Variants in TADA2B observed in about 807,000 individuals in gnomAD.
TADA2B encodes the protein transcriptional adaptor 2B, also known as transcriptional adapter 2-beta.
A neutral mutation model predicts 34.5 loss-of-function variants in TADA2B; 13 were observed. The ratio of observed to expected loss-of-function variants is 0.38; its 90% CI spans 0.25 to 0.60. The LOEUF (loss-of-function observed/expected upper bound fraction) is 0.60, where lower values mean the gene tolerates loss of function less well. Among genes scored for constraint, TADA2B ranks in the 20% least tolerant of loss-of-function variants. The pLI, the probability that TADA2B is intolerant of heterozygous loss-of-function variation, is 0.65. For synonymous variants in TADA2B, 240 were observed against 243.4 expected, an observed-to-expected ratio of 0.99 and a Z score of 0.13; for missense variants, 442 against 575.0, an observed-to-expected ratio of 0.77 and a Z score of 2.37.
chr4:7,052,479 C>T (rs1050279456), intron 1 of TADA2B, among the ~76,000 whole-genome samples: 2 of 152,248 alleles, frequency 1.3e-5, no homozygotes, highest in African/African-American at 4.8e-5. Flanking sequence ...CTGGTGGCGT[C>T]TGCCCCGGCT....
At chr4:7,045,640 TCA>T (rs1380396328) in intron 1 of TADA2B, 1 of 152,256 alleles carries the variant, frequency 6.6e-6, no homozygotes, top group Non-Finnish European at 1.5e-5. Flanking sequence ...GCCCTTCCCT[TCA>T]CCATCCCAGC....
chr4:7,053,765 GGTTCTGGCCTC>G, intron 1 of TADA2B: 2 of 345,822 alleles, frequency 5.8e-6, no homozygotes, highest in Non-Finnish European at 1.1e-5. Context: ...CTCAGCCAGG[GGTTCTGGCCTC>G]AGCTCTGCCA....
At position 7,057,250 on chromosome 4, in the gene TADA2B, T is replaced by C. The variant is rs950245818; in HGVS notation, c.*2196T>C. The C allele has an allele frequency of 5.3e-5, 8 of 152,246 alleles. No homozygotes were observed. The highest frequency in any genetic ancestry group is 1.0e-4 in the Non-Finnish European group (7 of 68,048). 9.4% of individuals were successfully genotyped at this position (152,246 alleles called of 1,614,324 possible). On this transcript the variant is annotated 3_prime_UTR_variant, in exon 2 of 2. Transcript: ENST00000310074. ...AGCAGGTTTTTAGTATGTATATCTT[T>C]TTGATGGTATGAAGAATTTATTTAG...
chr4:7,051,466 C>T (rs1723768496), intron 1 of TADA2B, among the ~76,000 whole-genome samples: 2 of 152,200 alleles, frequency 1.3e-5, no homozygotes, highest in African/African-American at 4.8e-5. Flanking sequence ...GCTGTAGACC[C>T]CACGAGGCAC....
chr4:7,043,485 C>G lies in TADA2B; in HGVS notation c.-95C>G. ...GCGGCGGGCGGCGGTTGCTCGTGCG[C>G]GGCGGCGGCGGCGGGTCCCGCGGGC... On this transcript the variant is annotated 5_prime_UTR_variant, in exon 1 of 2. Coordinates refer to ENST00000310074, the MANE Select transcript of TADA2B (RefSeq NM_152293.3). 1.8e-6 allele frequency: 1 copy of G among 561,916 alleles called. No individual in the cohort carries two copies. The highest frequency in any genetic ancestry group is 2.2e-6 in the Non-Finnish European group (1 of 448,812). The allele number at this position is 561,916 out of a possible 1,614,324, so 34.8% of individuals were successfully genotyped here.
At chr4:7,050,324 C>G (rs753163799) in intron 1 of TADA2B, among the ~76,000 whole-genome samples, 1 of 152,246 alleles carries the variant, frequency 6.6e-6, no homozygotes, top group Non-Finnish European at 1.5e-5. Context: ...CCAGTGTGCC[C>G]AGCTGCTCCT....
In TADA2B at chr4:7,054,556, G is replaced by T. The variant is rs1476906172; in HGVS notation, c.765G>T (p.Leu255=). 3.1e-6 allele frequency: 5 copies of T among 1,613,926 alleles called. No individual in the cohort carries two copies. Among genetic ancestry groups the T allele is most frequent in the Non-Finnish European group, 4.2e-6 (5 of 1,179,902 alleles). ...KRKITKEEKE[L]RLKLRPLYQF... is the part of the protein sequence containing the mutation. ...AGATCACCAAGGAGGAGAAGGAGCT[G>T]CGCCTGAAGCTGAGGCCGCTGTACC... Residue 255 remains leucine, a synonymous_variant, in exon 2 of 2, where the codon CTG becomes CTT. Coordinates refer to ENST00000310074, the MANE Select transcript of TADA2B (RefSeq NM_152293.3).
intron 1 of TADA2B, among the ~76,000 whole-genome samples, chr4:7,050,100 G>A (rs531865434): frequency 2.2e-4 from 33 of 152,372 alleles, no homozygotes; most frequent in Non-Finnish European, 4.1e-4. Flanking sequence ...GAGTGGCCAG[G>A]CAGGTGACAT....
intron 1 of TADA2B, chr4:7,044,958 A>T (rs1055554149): frequency 6.6e-6 from 1 of 152,220 alleles, no homozygotes; most frequent in Non-Finnish European, 1.5e-5. Context: ...CTTAGAGAAG[A>T]TGCTCCTTTA....
Position 7,043,746 on chromosome 4 carries a change from G to A in TADA2B, c.167G>A (p.Gly56Asp). 1 of 1,585,870 alleles carries A rather than the reference G, an allele frequency of 6.3e-7. No individual in the cohort carries two copies. Among genetic ancestry groups the A allele is most frequent in the Non-Finnish European group, 8.5e-7 (1 of 1,171,844 alleles). ...TACCACGGCTACCAGCTGGTGGACG[G>A]CGGGCGCTTCACGCTCTGGGGGCCC... ...RRYHGYQLVD[G>D]GRFTLWGPEA... The change falls in exon 1 of 2, where the codon GGC (glycine) becomes GAC (aspartate). Residue 56 changes from glycine (G) to aspartate (D), a missense_variant. Physicochemically the swap from Gly to Asp is moderately conservative, Grantham distance 94. This residue lies in a region of TADA2B where 102 missense variants were observed against 177.2 expected (regional missense o/e 0.58). Coordinates refer to ENST00000310074, the MANE Select transcript of TADA2B (RefSeq NM_152293.3).
chr4:7,053,387 C>T (rs541880232), intron 1 of TADA2B: 8 of 152,308 alleles, frequency 5.3e-5, no homozygotes, highest in Non-Finnish European at 8.8e-5. Flanking sequence ...AAGGCCTGCT[C>T]CCTTGAAGAG....
rs764462211 is a variant in TADA2B at position 7,054,607 on chromosome 4, T to G, written c.816T>G (p.Asp272Glu). ...LYQFMSCKEFDDLFENMHKEK... is the reference protein window; with the variant it reads ...LYQFMSCKEFEDLFENMHKEK... ...AGTTCATGTCATGCAAGGAGTTTGA[T>G]GACCTTTTTGAAAACATGCACAAAG... The change falls in exon 2 of 2, where the codon GAT becomes GAG. Residue 272 changes from aspartate to glutamate, a missense_variant. By Grantham distance (45) the Asp-to-Glu change is conservative (BLOSUM62 2). Around this residue, in one of 4 missense-constraint regions of TADA2B, gnomAD observed 222 missense variants for 235.2 expected, o/e 0.94. Transcript: ENST00000310074. The G allele has an allele frequency of 8.1e-6, 13 of 1,613,764 alleles. No homozygotes were observed. The highest frequency in any genetic ancestry group is 1.1e-5 in the Non-Finnish European group (13 of 1,179,892).
At position 7,055,044 on chromosome 4, in the gene TADA2B, A is replaced by T; in HGVS notation, c.1253A>T (p.Asp418Val). The part of the protein sequence containing the change: ...FLTESGWISR[D>V]AS ...ACAGAAAGCGGCTGGATCTCCAGGG[A>T]CGCGTCTTGAAGCTGAGACGCTTTG... Residue 418 changes from aspartate to valine, a missense_variant, in exon 2 of 2, where the codon GAC (aspartate) becomes GTC (valine). By Grantham distance (152) the Asp-to-Val change is radical. Around this residue, in one of 4 missense-constraint regions of TADA2B, gnomAD observed 114 missense variants for 144.7 expected, o/e 0.79. Transcript: ENST00000310074. 6.2e-7 allele frequency: 1 copy of T among 1,608,788 alleles called. No individual in the cohort carries two copies. The highest frequency in any genetic ancestry group is 8.5e-7 in the Non-Finnish European group (1 of 1,178,162).
rs1047996805 is a variant in TADA2B, at chr4:7,043,413, C to T, written c.-167C>T. On this transcript the variant is annotated 5_prime_UTR_variant, in exon 1 of 2. Coordinates refer to ENST00000310074, the MANE Select transcript of TADA2B (RefSeq NM_152293.3). ...CTGAGGGGGGACGCGGCCCGGCTGG[C>T]TGGCTCTGGCGGCGGCTGGGCTGGG... 2.7e-5 allele frequency: 5 copies of T among 184,470 alleles called. No individual in the cohort carries two copies. Among genetic ancestry groups the T allele is most frequent in the Non-Finnish European group, 4.9e-5 (5 of 101,588 alleles). The allele number at this position is 184,470 out of a possible 1,614,324, so 11.4% of individuals were successfully genotyped here.
Position 7,054,299 on chromosome 4 carries a change from C to T in TADA2B, c.508C>T (p.Arg170Trp), listed in dbSNP as rs2108786715. Residue 170 changes from arginine to tryptophan, a missense_variant, in exon 2 of 2, where the codon CGG becomes TGG. By Grantham distance (101) the Arg-to-Trp change is moderately radical (BLOSUM62 -3). This residue lies in a region of TADA2B where 222 missense variants were observed against 235.2 expected (regional missense o/e 0.94). Transcript: ENST00000310074. ...GCAGCAGCTGGGCTACATGCCGCTG[C>T]GGGATGATTACGAGATCGAGTATGA... ...EQQQLGYMPLRDDYEIEYDQD... is the reference protein window; with the variant it reads ...EQQQLGYMPLWDDYEIEYDQD... 6.2e-7 allele frequency: 1 copy of T among 1,613,264 alleles called. No individual in the cohort carries two copies. The highest frequency in any genetic ancestry group is 1.1e-5 in the South Asian group (1 of 91,076).
chr4:7,049,163 C>T (rs962924681), intron 1 of TADA2B, among the ~76,000 whole-genome samples: 14 of 152,190 alleles, frequency 9.2e-5, no homozygotes, highest in African/African-American at 3.4e-4. Context: ...ACTGCAGCCT[C>T]CACCTCCTGG....
intron 1 of TADA2B, among the ~76,000 whole-genome samples, chr4:7,052,625 G>T (rs1352394767): frequency 1.3e-5 from 2 of 152,242 alleles, no homozygotes; most frequent in African/African-American, 4.8e-5. Context: ...TCAGAGATGG[G>T]CAGTGACCAG....
intron 1 of TADA2B, 73 bp downstream of exon 1, chr4:7,043,922 GCAGGCAGCGC>G: frequency 7.1e-7 from 1 of 1,408,072 alleles, no homozygotes; most frequent in Non-Finnish European, 9.2e-7. Flanking sequence ...AATCGGGCGC[GCAGGCAGCGC>G]TGGACCTGCT....
chr4:7,043,958 C>A, intron 1 of TADA2B, 109 bp downstream of exon 1: 1 of 1,304,802 alleles, frequency 7.7e-7, no homozygotes, highest in Non-Finnish European at 9.8e-7. Context: ...GCTCCGCACC[C>A]CAGAAGGCCC....
Sources: gnomAD v4.1 joint callset for allele counts (sites outside exome capture counted in the v4.1 genomes callset) on GRCh38, gnomAD v4.1.1 for gene constraint, gnomAD v4.1.1 regional missense constraint, MANE v1.5 for transcripts, NCBI Gene and HGNC (gene_info 2026-07-23, HGNC 2026-07-21) for gene names.